Variants in SEPTIN11 observed in about 807,000 individuals in gnomAD.
SEPTIN11 encodes septin-11.
SEPTIN11 carries 25 observed loss-of-function variants against 51.4 expected under a neutral mutation model. The observed-to-expected ratio is 0.49, with a 90% CI of 0.35 to 0.68. SEPTIN11 has a LOEUF of 0.68. Among genes scored for constraint, SEPTIN11 ranks in the 30% least tolerant of loss-of-function variants. The pLI, the probability that SEPTIN11 is intolerant of heterozygous loss-of-function variation, is 0.00. For synonymous variants in SEPTIN11, 174 were observed against 184.1 expected (o/e 0.95, Z 0.44); for missense variants, 381 against 520.8 (o/e 0.73, Z 2.61).
intron 1 of SEPTIN11, among the ~76,000 whole-genome samples, chr4:76,969,429 G>T (rs1216441917): frequency 6.6e-6 from 1 of 152,094 alleles, no homozygotes; most frequent in African/African-American, 2.4e-5. Context: ...GCATTTTGGA[G>T]ATTACAAAAG....
intron 1 of SEPTIN11, among the ~76,000 whole-genome samples, chr4:76,978,727 G>A (rs909268726): frequency 2.6e-5 from 4 of 152,150 alleles, no homozygotes; most frequent in African/African-American, 9.7e-5. Flanking sequence ...TATAAAATAA[G>A]AGCTTTATAC....
At chr4:76,980,257 T>G (rs1279659752) in intron 1 of SEPTIN11, among the ~76,000 whole-genome samples, 1 of 152,178 alleles carries the variant, frequency 6.6e-6, no homozygotes, top group Non-Finnish European at 1.5e-5. Context: ...TGAGGTACAT[T>G]TATTGGTGCT....
At chr4:76,983,022 T>C (rs1722843571) in intron 1 of SEPTIN11, among the ~76,000 whole-genome samples, 1 of 151,782 alleles carries the variant, frequency 6.6e-6, no homozygotes, top group Non-Finnish European at 1.5e-5. Flanking sequence ...ACAGGAGAAA[T>C]AGGGATGTTG....
intron 1 of SEPTIN11, among the ~76,000 whole-genome samples, chr4:76,976,474 C>A (rs1362811746): frequency 6.6e-6 from 1 of 152,144 alleles, no homozygotes; most frequent in Non-Finnish European, 1.5e-5. Context: ...GGCTTTCAAC[C>A]GTTCTAAGCC....
intron 1 of SEPTIN11, among the ~76,000 whole-genome samples, chr4:76,956,323 A>C (rs562778032): frequency 6.6e-6 from 1 of 152,350 alleles, no homozygotes; most frequent in East Asian, 1.9e-4. Flanking sequence ...GGAAAATGAG[A>C]CAGGAAGAAG....
At chr4:76,958,723 T>C in intron 1 of SEPTIN11, 1 of 550,604 alleles carries the variant, frequency 1.8e-6, no homozygotes, top group Non-Finnish European at 3.3e-6. Context: ...GTTGTTGTTG[T>C]TGTTAGAATT....
intron 1 of SEPTIN11, among the ~76,000 whole-genome samples, chr4:76,975,450 C>G (rs1578132511): frequency 6.6e-6 from 1 of 152,250 alleles, no homozygotes; most frequent in Admixed American, 6.5e-5. Flanking sequence ...AATATATTTA[C>G]TTATTCACTT....
In SEPTIN11 at chr4:77,036,936, G is replaced by T. The variant is rs1048477299; in HGVS notation, c.*2424G>T. On this transcript the variant is annotated 3_prime_UTR_variant, in exon 10 of 10. Coordinates refer to ENST00000264893, the MANE Select transcript of SEPTIN11 (RefSeq NM_018243.4). ...GATTTTTTTTTTCTTTTCAAGGGGG[G>T]CAGGAAGGTAATGGTTTGAGTAGCC... The T allele has an allele frequency of 1.5e-6, 2 of 1,320,100 alleles. No individual in the cohort carries two copies. The highest frequency in any genetic ancestry group is 3.1e-5 in the African/African-American group (2 of 65,010). The allele number at this position is 1,320,100 out of a possible 1,614,324, so 81.8% of individuals were successfully genotyped here.
chr4:77,014,306 G>A (rs1725067240), intron 4 of SEPTIN11, among the ~76,000 whole-genome samples: 1 of 152,182 alleles, frequency 6.6e-6, no homozygotes, highest in African/African-American at 2.4e-5. Context: ...TCAGAAGAAA[G>A]AAAGGATGTT....
intron 1 of SEPTIN11, among the ~76,000 whole-genome samples, chr4:76,962,515 C>T (rs17002298): frequency 0.012 from 1,825 of 152,092 alleles, 44 homozygotes; most frequent in African/African-American, 0.042. Context: ...CATGGGGAAA[C>T]GGGAAAAAAG....
At position 77,036,533 on chromosome 4, in the gene SEPTIN11, C is replaced by G; in HGVS notation, c.*2021C>G. The G allele has an allele frequency of 7.2e-7, 1 of 1,393,064 alleles. No individual in the cohort carries two copies. The highest frequency in any genetic ancestry group is 1.6e-5 in the South Asian group (1 of 62,998). The allele number at this position is 1,393,064 out of a possible 1,614,324, so 86.3% of individuals were successfully genotyped here. A position where few individuals can be genotyped will look rare whatever the true frequency, so the allele number is the denominator to read the frequency against. The stretch of plus-strand genomic sequence containing the variant: ...GAGCATAACAACGAAAGGCATCCAG[C>G]TGACTTTTTGATTCCAAGATTATTG... On this transcript the variant is annotated 3_prime_UTR_variant, in exon 10 of 10. Coordinates refer to ENST00000264893, the MANE Select transcript of SEPTIN11 (RefSeq NM_018243.4).
intron 1 of SEPTIN11, among the ~76,000 whole-genome samples, chr4:76,958,575 C>T (rs886888140): frequency 1.3e-5 from 2 of 152,090 alleles, no homozygotes; most frequent in African/African-American, 2.4e-5. Flanking sequence ...GTGTGGGGCT[C>T]GTCTTTTCCT....
chr4:77,000,492 C>T (rs183031106), intron 2 of SEPTIN11, among the ~76,000 whole-genome samples: 1 of 152,184 alleles, frequency 6.6e-6, no homozygotes, highest in African/African-American at 2.4e-5. Context: ...TGAAGTATTA[C>T]ATTTTTCTCT....
intron 1 of SEPTIN11, among the ~76,000 whole-genome samples, chr4:76,973,535 G>T (rs6850387): frequency 0.39 from 59,068 of 152,122 alleles, 11,744 homozygotes; most frequent in Non-Finnish European, 0.43. Context: ...ACACAGCTCA[G>T]CATGGATTTC....
chr4:77,027,442 AT>A (rs1440557233), intron 7 of SEPTIN11, among the ~76,000 whole-genome samples: 1 of 152,130 alleles, frequency 6.6e-6, no homozygotes, highest in Non-Finnish European at 1.5e-5. Context: ...GGCCTAATAC[AT>A]TTTCTAATAC....
intron 1 of SEPTIN11, among the ~76,000 whole-genome samples, chr4:76,954,446 A>C (rs954495272): frequency 4.6e-5 from 7 of 152,214 alleles, no homozygotes; most frequent in Admixed American, 4.6e-4. Flanking sequence ...TCTACTTTAC[A>C]ATATAATTGA....
rs1364908811 is a variant in SEPTIN11, at chr4:77,011,885, C to T, written c.489C>T (p.Ser163=). The change falls in exon 4 of 10, where the codon TCC becomes TCT. Residue 163 remains serine (S), a synonymous_variant. Coordinates refer to ENST00000264893, the MANE Select transcript of SEPTIN11 (RefSeq NM_018243.4). ...CCCCTACTGGACATTCACTAAAGTC[C>T]CTGGATCTGGTCACCATGAAAAAGC... The part of the protein sequence containing the change: ...FIAPTGHSLK[S]LDLVTMKKLD... The T allele has an allele frequency of 6.2e-7, 1 of 1,613,884 alleles. No homozygotes were observed. The highest frequency in any genetic ancestry group is 1.3e-5 in the African/African-American group (1 of 74,882).
At chr4:77,014,569 A>G (rs1002774307) in intron 4 of SEPTIN11, among the ~76,000 whole-genome samples, 5 of 152,142 alleles carry the variant, frequency 3.3e-5, no homozygotes, top group Non-Finnish European at 5.9e-5. Context: ...GGAGGAAGTA[A>G]AAGTGTTTGA....
chr4:77,005,822 A>G (rs1724443281), intron 3 of SEPTIN11, 26 bp downstream of exon 3: 3 of 1,599,640 alleles, frequency 1.9e-6, no homozygotes, highest in Middle Eastern at 1.7e-4. Flanking sequence ...TTGGGGGGAC[A>G]TGAATGGATG....
Sources: gnomAD v4.1 joint callset for allele counts (sites outside exome capture counted in the v4.1 genomes callset) on GRCh38, gnomAD v4.1.1 for gene constraint, MANE v1.5 for transcripts, NCBI Gene and HGNC (gene_info 2026-07-23, HGNC 2026-07-21) for gene names.